PLPPR1: variants seen among roughly 807,000 people sequenced by gnomAD.
PLPPR1 encodes the protein phospholipid phosphatase-related protein type 1.
PLPPR1 carries 10 observed loss-of-function variants against 33.1 expected under a neutral mutation model. The ratio of observed to expected loss-of-function variants is 0.30; its 90% CI spans 0.19 to 0.51. PLPPR1 has a LOEUF of 0.51. Among genes scored for constraint, PLPPR1 ranks in the 20% least tolerant of loss-of-function variants. PLPPR1 has a pLI of 0.97. For missense variants in PLPPR1, 304 were observed against 408.1 expected, an observed-to-expected ratio of 0.74 and a Z score of 2.20; for synonymous variants, 151 against 151.0, an observed-to-expected ratio of 1.00 and a Z score of 0.00.
intron 3 of PLPPR1, among the ~76,000 whole-genome samples, chr9:101,272,390 T>C (rs558820701): frequency 3.3e-5 from 5 of 152,236 alleles, no homozygotes; most frequent in Admixed American, 6.5e-5. Context: ...AAGAAAAATA[T>C]GTATGTAAAG....
At chr9:101,232,419 T>C (rs998096473) in intron 2 of PLPPR1, among the ~76,000 whole-genome samples, 6 of 151,828 alleles carry the variant, frequency 4.0e-5, no homozygotes, top group African/African-American at 1.4e-4. Flanking sequence ...TGCTCCTAAA[T>C]TGTTCTGTTT....
intron 1 of PLPPR1, among the ~76,000 whole-genome samples, chr9:101,115,594 C>A (rs954996678): frequency 6.6e-6 from 1 of 152,202 alleles, no homozygotes; most frequent in Non-Finnish European, 1.5e-5. Context: ...ACATAAAAAA[C>A]CATATTGCAT....
chr9:101,318,472 A>G (rs1829095563), intron 7 of PLPPR1, among the ~76,000 whole-genome samples: 1 of 152,092 alleles, frequency 6.6e-6, no homozygotes, highest in Non-Finnish European at 1.5e-5. Flanking sequence ...ACAGGTAAAG[A>G]TAAGAATGCA....
In PLPPR1 at chr9:101,112,340, T is replaced by C. The variant is rs570375860; in HGVS notation, c.-45-73110T>C. Among the ~76,000 whole-genome samples, 3 of 152,338 alleles carry C rather than the reference T, an allele frequency of 2.0e-5. No individual in the cohort carries two copies. In the South Asian group the frequency reaches 6.2e-4, roughly 32 times the overall value. On this transcript the variant is annotated intron_variant, in intron 1 of 7. Transcript: ENST00000374874. ...AAGTGAGTACAGAAGGAAATAAAAG[T>C]TTATTTTCATGAATAGCATTTAGAT...
chr9:101,109,819 C>T (rs964435946), intron 1 of PLPPR1, among the ~76,000 whole-genome samples: 2 of 151,850 alleles, frequency 1.3e-5, no homozygotes, highest in South Asian at 4.1e-4. Flanking sequence ...AATAAATTTT[C>T]CTCATAATCA....
intron 3 of PLPPR1, among the ~76,000 whole-genome samples, chr9:101,272,082 G>A (rs1191358690): frequency 6.6e-6 from 1 of 152,062 alleles, no homozygotes; most frequent in African/African-American, 2.4e-5. Flanking sequence ...TATTTAAGTT[G>A]TATATACAAT....
chr9:101,277,198 A>G (rs1221820338), intron 3 of PLPPR1, among the ~76,000 whole-genome samples: 2 of 152,204 alleles, frequency 1.3e-5, no homozygotes, highest in Non-Finnish European at 2.9e-5. Context: ...AGAATATTAG[A>G]AGTATCTAAA....
chr9:101,126,481 C>T (rs1219445275), intron 1 of PLPPR1, among the ~76,000 whole-genome samples: 1 of 152,154 alleles, frequency 6.6e-6, no homozygotes, highest in Non-Finnish European at 1.5e-5. Context: ...CCTGCCACGG[C>T]GGGAGACAAT....
rs182257809 is a variant in PLPPR1 at position 101,298,373 on chromosome 9, T to A, written c.386-10838T>A. The stretch of plus-strand genomic sequence containing the variant: ...AGTGCCATGGTAAACAGCGAATTCA[T>A]GTAACGCTAATTAATTTCCATAAAT... On this transcript the variant is annotated intron_variant, in intron 4 of 7. Transcript: ENST00000374874. Among the ~76,000 whole-genome samples the A allele has an allele frequency of 5.3e-4, 80 of 152,306 alleles. No individual in the cohort carries two copies. In the South Asian group the frequency reaches 8.3e-3, roughly 16 times the overall value.
intron 1 of PLPPR1, among the ~76,000 whole-genome samples, chr9:101,129,389 A>G (rs1198634862): frequency 6.6e-6 from 1 of 152,248 alleles, no homozygotes; most frequent in African/African-American, 2.4e-5. Context: ...AAATGAAAGC[A>G]TATGTCCACA....
intron 2 of PLPPR1, among the ~76,000 whole-genome samples, chr9:101,218,716 TAAAG>T (rs1021440608): frequency 6.6e-6 from 1 of 152,228 alleles, no homozygotes; most frequent in Non-Finnish European, 1.5e-5. Flanking sequence ...TTTGTGCAGT[TAAAG>T]AAACTTCTAA....
intron 3 of PLPPR1, among the ~76,000 whole-genome samples, chr9:101,284,225 T>C (rs1828350516): frequency 6.6e-6 from 1 of 152,154 alleles, no homozygotes; most frequent in Admixed American, 6.5e-5. Flanking sequence ...AGCCAAGATA[T>C]GGAATCTGCC....
intron 2 of PLPPR1, among the ~76,000 whole-genome samples, chr9:101,216,224 G>T (rs1164356675): frequency 6.6e-6 from 1 of 152,116 alleles, no homozygotes; most frequent in East Asian, 1.9e-4. Context: ...CACTTTAACT[G>T]GTATGAGATG....
intron 2 of PLPPR1, among the ~76,000 whole-genome samples, chr9:101,232,880 A>G (rs1827220347): frequency 6.6e-6 from 1 of 151,954 alleles, no homozygotes; most frequent in Non-Finnish European, 1.5e-5. Context: ...GTTCATAGGT[A>G]CCTAAAGACT....
chr9:101,041,740 A>G (rs1210103193), intron 1 of PLPPR1, among the ~76,000 whole-genome samples: 1 of 152,080 alleles, frequency 6.6e-6, no homozygotes, highest in Non-Finnish European at 1.5e-5. Context: ...GAAGCTGTGT[A>G]AGGAGTGGCA....
chr9:101,203,199 G>T (rs1042132833), intron 2 of PLPPR1, among the ~76,000 whole-genome samples: 1 of 152,124 alleles, frequency 6.6e-6, no homozygotes, highest in Non-Finnish European at 1.5e-5. Flanking sequence ...CACATTATTG[G>T]TATGTCTTCT....
At chr9:101,065,058 T>C (rs1363833892) in intron 1 of PLPPR1, among the ~76,000 whole-genome samples, 2 of 152,024 alleles carry the variant, frequency 1.3e-5, no homozygotes, top group Admixed American at 1.3e-4. Context: ...AATCAAACCA[T>C]ATCAAGAAAT....
chr9:101,091,761 C>A (rs535584713), intron 1 of PLPPR1, among the ~76,000 whole-genome samples: 1 of 152,218 alleles, frequency 6.6e-6, no homozygotes, highest in African/African-American at 2.4e-5. Context: ...GCCTACCATA[C>A]CTTTCTTAGC....
chr9:101,135,698 A>G (rs1831369962), intron 1 of PLPPR1, among the ~76,000 whole-genome samples: 1 of 152,130 alleles, frequency 6.6e-6, no homozygotes, highest in Non-Finnish European at 1.5e-5. Context: ...ACTCTGAGTT[A>G]CCTCCGGCTT....
Sources: allele counts gnomAD v4.1 joint callset (sites outside exome capture counted in the v4.1 genomes callset), GRCh38; gene constraint gnomAD v4.1.1; transcripts MANE v1.5; gene names NCBI Gene and HGNC (gene_info 2026-07-23, HGNC 2026-07-21).